The following TBC1D1 variants were observed in gnomAD, a reference collection of about 807,000 sequenced individuals.
TBC1D1 encodes the protein TBC1 domain family member 1, also known as TBC1 (tre-2/USP6, BUB2, cdc16) domain family, member 1.
Under a neutral mutation model 125.6 loss-of-function variants are expected in TBC1D1, and 89 were observed. That is an observed-to-expected ratio of 0.71 (90% CI 0.60 to 0.85). The LOEUF (loss-of-function observed/expected upper bound fraction) is 0.85, where lower values mean the gene tolerates loss of function less well. TBC1D1 is among the 40% of genes least tolerant of loss of function. TBC1D1 has a pLI of 0.00. For missense variants in TBC1D1, 1,377 were observed against 1,469.2 expected (o/e 0.94, Z 1.03); for synonymous variants, 565 against 564.1 (o/e 1.00, Z -0.02).
At chr4:38,083,273 A>T (rs190636345) in intron 12 of TBC1D1, among the ~76,000 whole-genome samples, 2 of 152,308 alleles carry the variant, frequency 1.3e-5, no homozygotes, top group African/African-American at 4.8e-5. Context: ...ACCAATTAAT[A>T]TGTGGATTGA....
intron 2 of TBC1D1, among the ~76,000 whole-genome samples, chr4:37,935,839 T>A (rs1333772741): frequency 6.6e-6 from 1 of 152,176 alleles, no homozygotes; most frequent in Non-Finnish European, 1.5e-5. Context: ...GGCCCCACCA[T>A]CCTGAACCCC....
At position 37,945,233 on chromosome 4, in the gene TBC1D1, G is replaced by T. The variant is rs73810053; in HGVS notation, c.417+42721G>T. Among the ~76,000 whole-genome samples, 549 of 152,230 alleles carry T rather than the reference G, an allele frequency of 3.6e-3. 1 individual carries two copies. Among genetic ancestry groups the T allele is most frequent in the African/African-American group, 0.013 (523 of 41,526 alleles). On this transcript the variant is annotated intron_variant, in intron 2 of 19. Transcript: ENST00000261439. ...TGACCTCTCAAGAGCCTACAGGTAG[G>T]CTGGGTGTGGTGGCTCATGCCTGTA... is the stretch of plus-strand genomic sequence containing the variant.
rs891155188 is a variant in TBC1D1 at position 38,138,947 on chromosome 4, G to A, written c.*1612G>A. Reference sequence around the variant, plus strand: ...CCTGTTCCCTGGGTCAGAGGATAGCGGTTTCCATCATAAACCAAGATGATG... The same window carrying A: ...CCTGTTCCCTGGGTCAGAGGATAGCAGTTTCCATCATAAACCAAGATGATG... On this transcript the variant is annotated 3_prime_UTR_variant, in exon 20 of 20. Transcript: ENST00000261439. The A allele has an allele frequency of 5.2e-5, 8 of 152,548 alleles. No individual in the cohort carries two copies. The highest frequency in any genetic ancestry group is 2.6e-4 in the Admixed American group (4 of 15,280). The allele number at this position is 152,548 out of a possible 1,614,324, so 9.4% of individuals were successfully genotyped here.
intron 2 of TBC1D1, among the ~76,000 whole-genome samples, chr4:37,982,911 G>A (rs1734643754): frequency 1.3e-5 from 2 of 152,284 alleles, no homozygotes; most frequent in Middle Eastern, 3.4e-3. Flanking sequence ...GGCAGGTTGT[G>A]CCAGGCAGTT....
At chr4:38,001,843 G>A (rs551776300) in intron 2 of TBC1D1, among the ~76,000 whole-genome samples, 19 of 152,298 alleles carry the variant, frequency 1.2e-4, no homozygotes, top group African/African-American at 3.4e-4. Flanking sequence ...GTTACAGTAA[G>A]TTATTGACTT....
intron 15 of TBC1D1, among the ~76,000 whole-genome samples, chr4:38,105,035 G>A (rs1318780248): frequency 6.6e-6 from 1 of 152,104 alleles, no homozygotes; most frequent in Non-Finnish European, 1.5e-5. Context: ...GATTACAGGC[G>A]TGAGCCACCA....
intron 15 of TBC1D1, among the ~76,000 whole-genome samples, chr4:38,109,087 G>C (rs1268313775): frequency 1.3e-5 from 2 of 152,212 alleles, no homozygotes; most frequent in South Asian, 4.1e-4. Flanking sequence ...TTGAAGTCCT[G>C]TGTGAGAAAT....
intron 2 of TBC1D1, among the ~76,000 whole-genome samples, chr4:37,923,063 C>T (rs929723531): frequency 6.6e-6 from 1 of 152,000 alleles, no homozygotes; most frequent in African/African-American, 2.4e-5. Context: ...CCCATCAACC[C>T]ATCATCTACA....
intron 2 of TBC1D1, among the ~76,000 whole-genome samples, chr4:37,929,982 G>C (rs1034401979): frequency 6.6e-6 from 1 of 152,036 alleles, no homozygotes; most frequent in African/African-American, 2.4e-5. Context: ...GTCCACAAAA[G>C]GTAAATACAT....
At chr4:38,052,728 GCACACACACACACACACA>G (rs56153191) in intron 11 of TBC1D1, among the ~76,000 whole-genome samples, 1 of 118,276 alleles carries the variant, frequency 8.5e-6, no homozygotes, top group Non-Finnish European at 1.7e-5. Flanking sequence ...GCGCGCGCGC[GCACACACACACACACACA>G]CACACACACA....
chr4:37,999,609 G>C lies in TBC1D1; in HGVS notation c.418-14900G>C, dbSNP rs567193056. On this transcript the variant is annotated intron_variant, in intron 2 of 19. Transcript: ENST00000261439. ...TCAGGACCTGGGAGAGCAGGCCTGT[G>C]GGGGGAGGGAGGGGAGGAGACATTT... Among the ~76,000 whole-genome samples, 22 of 152,196 alleles carry C rather than the reference G, an allele frequency of 1.4e-4. No individual in the cohort carries two copies. In the South Asian group the frequency reaches 2.9e-3, roughly 20 times the overall value.
intron 1 of TBC1D1, among the ~76,000 whole-genome samples, chr4:37,897,911 C>T (rs777566020): frequency 3.9e-5 from 6 of 152,084 alleles, no homozygotes; most frequent in African/African-American, 7.2e-5. Flanking sequence ...ACTTCAAGTC[C>T]GTTTTCATTA....
intron 15 of TBC1D1, among the ~76,000 whole-genome samples, chr4:38,109,351 T>C (rs1761863657): frequency 6.6e-6 from 1 of 152,206 alleles, no homozygotes; most frequent in African/African-American, 2.4e-5. Context: ...ATATACCCTT[T>C]AAGTCCAAAG....
chr4:37,987,642 C>A (rs1735728494), intron 2 of TBC1D1, among the ~76,000 whole-genome samples: 1 of 151,978 alleles, frequency 6.6e-6, no homozygotes, highest in Non-Finnish European at 1.5e-5. Context: ...TTGTGATGTT[C>A]TCAGTTAGGG....
chr4:37,997,725 G>C (rs901209724), intron 2 of TBC1D1, among the ~76,000 whole-genome samples: 3 of 151,098 alleles, frequency 2.0e-5, no homozygotes, highest in Admixed American at 6.6e-5. Context: ...TGAAAATTCT[G>C]TCTCTTTTGC....
intron 4 of TBC1D1, among the ~76,000 whole-genome samples, chr4:38,019,578 T>A (rs1743556773): frequency 6.6e-6 from 1 of 152,120 alleles, no homozygotes. Context: ...AAGAGTGTAG[T>A]TTACAAGTTT....
chr4:38,117,771 CAAGGGAACAATAA>C (rs1763211462), intron 16 of TBC1D1, among the ~76,000 whole-genome samples: 1 of 152,262 alleles, frequency 6.6e-6, no homozygotes, highest in South Asian at 2.1e-4. Context: ...TGGAGGAATA[CAAGGGAACAATAA>C]AAAGGAAGTG....
intron 2 of TBC1D1, among the ~76,000 whole-genome samples, chr4:38,008,740 G>A (rs183694688): frequency 4.1e-4 from 63 of 152,308 alleles, no homozygotes; most frequent in African/African-American, 1.4e-3. Context: ...CAGGCATTGA[G>A]GCATTAGATC....
At chr4:38,106,813 C>T (rs1761381027) in intron 15 of TBC1D1, among the ~76,000 whole-genome samples, 1 of 152,184 alleles carries the variant, frequency 6.6e-6, no homozygotes, top group African/African-American at 2.4e-5. Context: ...CGTGGCTGTG[C>T]ACTCCGAAGG....
Sources: gnomAD v4.1 joint callset for allele counts (sites outside exome capture counted in the v4.1 genomes callset) on GRCh38, gnomAD v4.1.1 for gene constraint, MANE v1.5 for transcripts, NCBI Gene and HGNC (gene_info 2026-07-23, HGNC 2026-07-21) for gene names.